The following DOK6 variants were observed in gnomAD, a reference collection of about 807,000 sequenced individuals.
DOK6 encodes docking protein 6, also known as downstream of tyrosine kinase 6.
In DOK6, 22 loss-of-function variants were observed where a neutral mutation model predicts 44.0. The observed-to-expected ratio is 0.50, with a 90% CI of 0.36 to 0.71. DOK6 has a LOEUF of 0.71. Among genes scored for constraint, DOK6 ranks in the 30% least tolerant of loss-of-function variants. DOK6 has a pLI of 0.00. For missense variants in DOK6, 340 were observed against 416.4 expected (o/e 0.82, Z 1.60); for synonymous variants, 166 against 145.5 (o/e 1.14, Z -1.01).
rs80001638 is a variant in DOK6 at position 69,766,305 on chromosome 18, C to T, written c.856+8432C>T. Among the ~76,000 whole-genome samples the T allele has an allele frequency of 1.1e-4, 17 of 152,218 alleles. No homozygotes were observed. In the East Asian group the frequency reaches 1.4e-3, roughly 12 times the overall value. ...ACTATTGGGTACTATGCTCACCACC[C>T]GGGTGATGGGATCAGTCGTAACCAT... On this transcript the variant is annotated intron_variant, in intron 7 of 7. Coordinates refer to ENST00000382713, the MANE Select transcript of DOK6 (RefSeq NM_152721.6).
chr18:69,701,428 C>A (rs887611022), intron 5 of DOK6, among the ~76,000 whole-genome samples: 3 of 152,176 alleles, frequency 2.0e-5, no homozygotes, highest in Non-Finnish European at 2.9e-5. Flanking sequence ...AATACCAGAC[C>A]TTCAGAGGAA....
chr18:69,834,032 A>G (rs1165137350), intron 7 of DOK6, among the ~76,000 whole-genome samples: 2 of 152,226 alleles, frequency 1.3e-5, no homozygotes, highest in African/African-American at 4.8e-5. Flanking sequence ...TTCTAGGTAC[A>G]CATCCAAAAG....
At chr18:69,519,665 C>T (rs1283748733) in intron 1 of DOK6, among the ~76,000 whole-genome samples, 4 of 151,808 alleles carry the variant, frequency 2.6e-5, no homozygotes, top group African/African-American at 9.7e-5. Flanking sequence ...GGAGTGGAGA[C>T]TAAAATGCAT....
chr18:69,435,025 GGGAAGGAAGGAA>G (rs71176965), intron 1 of DOK6, among the ~76,000 whole-genome samples: 7,275 of 71,126 alleles, frequency 0.1, 257 homozygotes, highest in Non-Finnish European at 0.12. Context: ...TAGGGAGGGA[GGGAAGGAAGGAA>G]GGAAGGAAGG....
chr18:69,529,797 A>G (rs1359619758), intron 1 of DOK6, among the ~76,000 whole-genome samples: 1 of 152,176 alleles, frequency 6.6e-6, no homozygotes. Flanking sequence ...GTACTCTTAA[A>G]CTTCAATATT....
At chr18:69,774,145 T>TATATATATATATATAG (rs1979988496) in intron 7 of DOK6, among the ~76,000 whole-genome samples, 1 of 128,482 alleles carries the variant, frequency 7.8e-6, no homozygotes, top group Non-Finnish European at 1.6e-5. Context: ...TATATATATA[T>TATATATATATATATAG]ATATATATAT....
Position 69,423,162 on chromosome 18 carries a change from T to G in DOK6, c.66+21852T>G, listed in dbSNP as rs186310139. Among the ~76,000 whole-genome samples, 162 of 152,180 alleles carry G rather than the reference T, an allele frequency of 1.1e-3. 1 individual carries two copies. Among genetic ancestry groups the G allele is most frequent in the African/African-American group, 3.7e-3 (152 of 41,530 alleles). On this transcript the variant is annotated intron_variant, in intron 1 of 7. Coordinates refer to ENST00000382713, the MANE Select transcript of DOK6 (RefSeq NM_152721.6). ...TACGAAGAATACAAAAATTAGCCAG[T>G]CATGGTGGTGAACACCTGTAGCCCA...
chr18:69,693,721 A>C (rs745578238), intron 4 of DOK6, among the ~76,000 whole-genome samples: 4 of 152,112 alleles, frequency 2.6e-5, no homozygotes, highest in Admixed American at 6.5e-5. Flanking sequence ...TCCACCTGCC[A>C]GTCTCAGACT....
At chr18:69,658,125 C>T (rs1316337642) in intron 3 of DOK6, among the ~76,000 whole-genome samples, 3 of 151,394 alleles carry the variant, frequency 2.0e-5, no homozygotes, top group Non-Finnish European at 2.9e-5. Context: ...TTTTTTAATT[C>T]GTCATTTGTT....
intron 1 of DOK6, among the ~76,000 whole-genome samples, chr18:69,561,253 A>G (rs1982824647): frequency 6.6e-6 from 1 of 152,154 alleles, no homozygotes. Flanking sequence ...TGGCATAGCC[A>G]TAATGTAAAC....
At chr18:69,666,906 G>A (rs923163564) in intron 3 of DOK6, among the ~76,000 whole-genome samples, 1 of 152,172 alleles carries the variant, frequency 6.6e-6, no homozygotes, top group African/African-American at 2.4e-5. Flanking sequence ...TGAGGAAATA[G>A]CTTCGTTTTA....
At chr18:69,486,245 T>C (rs1430684081) in intron 1 of DOK6, among the ~76,000 whole-genome samples, 1 of 152,102 alleles carries the variant, frequency 6.6e-6, no homozygotes, top group East Asian at 1.9e-4. Context: ...ATATTTATAA[T>C]TAAGAGTAAA....
At chr18:69,719,216 G>A (rs1322260615) in intron 5 of DOK6, among the ~76,000 whole-genome samples, 1 of 152,142 alleles carries the variant, frequency 6.6e-6, no homozygotes, top group East Asian at 1.9e-4. Flanking sequence ...AAAATTTGGA[G>A]GGCAGGGGGC....
chr18:69,482,079 T>C (rs1980441480), intron 1 of DOK6, among the ~76,000 whole-genome samples: 1 of 152,216 alleles, frequency 6.6e-6, no homozygotes, highest in African/African-American at 2.4e-5. Context: ...TGTTTGTTTT[T>C]TTCTTGTAAA....
At chr18:69,747,183 T>C (rs1333957656) in intron 6 of DOK6, among the ~76,000 whole-genome samples, 1 of 152,228 alleles carries the variant, frequency 6.6e-6, no homozygotes, top group East Asian at 1.9e-4. Context: ...CTCATAAATG[T>C]CAATTTATAA....
chr18:69,458,025 C>T (rs139124824), intron 1 of DOK6, among the ~76,000 whole-genome samples: 5,037 of 152,270 alleles, frequency 0.033, 135 homozygotes, highest in Admixed American at 0.09. Flanking sequence ...TGCCTGTAAT[C>T]CCAGCTACTT....
chr18:69,546,392 C>T lies in DOK6; in HGVS notation c.67-18095C>T, dbSNP rs368238234. 4.6e-5 allele frequency among the ~76,000 whole-genome samples: 7 copies of T among 151,422 alleles called. No homozygotes were observed. In the East Asian group the frequency reaches 5.8e-4, roughly 13 times the overall value. ...TACATACAATGATAGCATGTGTCTG[C>T]GTCCTCTCTTCCTGAACCTCTCACT... On this transcript the variant is annotated intron_variant, in intron 1 of 7. Transcript: ENST00000382713.
intron 1 of DOK6, among the ~76,000 whole-genome samples, chr18:69,405,432 C>T (rs1380969547): frequency 6.6e-6 from 1 of 151,990 alleles, no homozygotes; most frequent in Non-Finnish European, 1.5e-5. Flanking sequence ...TACAGAAAGT[C>T]AGCGGGGTCT....
intron 1 of DOK6, among the ~76,000 whole-genome samples, chr18:69,492,830 T>TTTTTTTTTTTG (rs1555706702): frequency 6.7e-6 from 1 of 149,026 alleles, no homozygotes; most frequent in Non-Finnish European, 1.5e-5. Flanking sequence ...TGGGCTTTTT[T>TTTTTTTTTTTG]ATAGCTTTGG....
Sources: allele counts gnomAD v4.1 joint callset (sites outside exome capture counted in the v4.1 genomes callset), GRCh38; gene constraint gnomAD v4.1.1; transcripts MANE v1.5; gene names NCBI Gene and HGNC (gene_info 2026-07-23, HGNC 2026-07-21).